The following CDK6 variants were observed in gnomAD, a reference collection of about 807,000 sequenced individuals.
The protein encoded by CDK6 is cyclin dependent kinase 6.
Under a neutral mutation model 37.1 loss-of-function variants are expected in CDK6, and 6 were observed. The ratio of observed to expected loss-of-function variants is 0.16; its 90% CI spans 0.09 to 0.32. The LOEUF (loss-of-function observed/expected upper bound fraction) is 0.32, where lower values mean the gene tolerates loss of function less well. CDK6 is among the 10% of genes least tolerant of loss of function. CDK6 has a pLI of 1.00. For synonymous variants in CDK6, 160 were observed against 161.3 expected (o/e 0.99, Z 0.06); for missense variants, 224 against 418.9 (o/e 0.53, Z 4.06).
At chr7:92,684,744 A>T (rs943207433) in intron 4 of CDK6, among the ~76,000 whole-genome samples, 1 of 152,214 alleles carries the variant, frequency 6.6e-6, no homozygotes, top group Non-Finnish European at 1.5e-5. Context: ...GTTTACAAAA[A>T]AACAAAATGC....
intron 2 of CDK6, among the ~76,000 whole-genome samples, chr7:92,822,006 G>A (rs1334485901): frequency 6.6e-6 from 1 of 151,940 alleles, no homozygotes; most frequent in African/African-American, 2.4e-5. Context: ...TACTTGTAAG[G>A]ACAGCTATGG....
At chr7:92,652,818 G>A (rs915919793) in intron 5 of CDK6, among the ~76,000 whole-genome samples, 2 of 152,128 alleles carry the variant, frequency 1.3e-5, no homozygotes, top group Admixed American at 6.5e-5. Context: ...TTCATAGTAT[G>A]GCATCCTGTT....
At chr7:92,669,674 C>G (rs1288535979) in intron 5 of CDK6, among the ~76,000 whole-genome samples, 1 of 152,236 alleles carries the variant, frequency 6.6e-6, no homozygotes, top group South Asian at 2.1e-4. Flanking sequence ...GTCTTCTACA[C>G]TTGTTGGATG....
At chr7:92,646,326 T>C (rs1299751687) in intron 5 of CDK6, among the ~76,000 whole-genome samples, 1 of 152,196 alleles carries the variant, frequency 6.6e-6, no homozygotes, top group East Asian at 1.9e-4. Context: ...GGCTCAGTCT[T>C]CAGGTTTTTG....
chr7:92,748,155 A>G (rs776143733), intron 3 of CDK6, among the ~76,000 whole-genome samples: 40 of 152,236 alleles, frequency 2.6e-4, no homozygotes, highest in Non-Finnish European at 4.7e-4. Context: ...ACTTTTACAG[A>G]TAACAGGTTA....
chr7:92,749,728 C>G (rs1799145206), intron 3 of CDK6, among the ~76,000 whole-genome samples: 1 of 152,174 alleles, frequency 6.6e-6, no homozygotes, highest in South Asian at 2.1e-4. Context: ...TTGTAGCCTT[C>G]TTTAGTCCTG....
chr7:92,691,807 T>G (rs1797605274), intron 4 of CDK6, among the ~76,000 whole-genome samples: 1 of 152,216 alleles, frequency 6.6e-6, no homozygotes, highest in Non-Finnish European at 1.5e-5. Context: ...AAAGAAAATT[T>G]GAGTACTGAG....
At chr7:92,636,745 A>C (rs1057273646) in intron 5 of CDK6, among the ~76,000 whole-genome samples, 20 of 152,098 alleles carry the variant, frequency 1.3e-4, no homozygotes, top group African/African-American at 4.6e-4. Context: ...GGCTCACTGC[A>C]ACTTCTGCCT....
At chr7:92,782,706 A>C (rs1319624596) in intron 2 of CDK6, among the ~76,000 whole-genome samples, 1 of 152,144 alleles carries the variant, frequency 6.6e-6, no homozygotes, top group Non-Finnish European at 1.5e-5. Context: ...ACCTGGGCCC[A>C]GTGTGTTTGA....
chr7:92,730,848 G>A (rs1798629620), intron 3 of CDK6, among the ~76,000 whole-genome samples: 1 of 152,174 alleles, frequency 6.6e-6, no homozygotes, highest in East Asian at 1.9e-4. Flanking sequence ...GAACACAGGT[G>A]TAGAATGATC....
chr7:92,674,550 G>A (rs1797162423), intron 4 of CDK6, among the ~76,000 whole-genome samples: 1 of 152,218 alleles, frequency 6.6e-6, no homozygotes, highest in Non-Finnish European at 1.5e-5. Flanking sequence ...GCTAAGAAGA[G>A]TGTCCAATAC....
chr7:92,787,377 C>A (rs1415458790), intron 2 of CDK6, among the ~76,000 whole-genome samples: 2 of 151,800 alleles, frequency 1.3e-5, no homozygotes, highest in East Asian at 3.9e-4. Flanking sequence ...TTTTCTCCTA[C>A]CACTCACGTA....
At chr7:92,669,291 T>C (rs1474115815) in intron 5 of CDK6, among the ~76,000 whole-genome samples, 2 of 152,256 alleles carry the variant, frequency 1.3e-5, no homozygotes, top group African/African-American at 4.8e-5. Context: ...ACTTATCACT[T>C]CAGTGGAAAA....
chr7:92,622,927 T>C (rs763807241), intron 6 of CDK6, 109 bp downstream of exon 6: 32 of 700,054 alleles, frequency 4.6e-5, no homozygotes, highest in Admixed American at 1.0e-4. Context: ...CAGCAGCTGC[T>C]TGAAGTAAGA....
chr7:92,678,609 A>C (rs1181083811), intron 4 of CDK6, among the ~76,000 whole-genome samples: 1 of 152,220 alleles, frequency 6.6e-6, no homozygotes, highest in African/African-American at 2.4e-5. Context: ...TTGATGTTAT[A>C]TTTAACAATC....
Position 92,611,667 on chromosome 7 carries a change from T to TG in CDK6, c.*3472dup, listed in dbSNP as rs1795565000. On this transcript the variant is annotated 3_prime_UTR_variant, in exon 8 of 8. Coordinates refer to ENST00000424848, the MANE Select transcript of CDK6 (RefSeq NM_001145306.2). Reference sequence around the variant, plus strand: ...CTATTTAAGAGTTTTCTCATCAAGATGGATAGTACATTCTGGAGAGTCAAA... The same window carrying TG: ...CTATTTAAGAGTTTTCTCATCAAGATGGGATAGTACATTCTGGAGAGTCAAA... 1 of 229,156 alleles carries TG rather than the reference T, an allele frequency of 4.4e-6. No individual in the cohort carries two copies. The highest frequency in any genetic ancestry group is 5.7e-5 in the Admixed American group (1 of 17,668). The allele number at this position is 229,156 out of a possible 1,614,324, so 14.2% of individuals were successfully genotyped here. A position where few individuals can be genotyped will look rare whatever the true frequency, so the allele number is the denominator to read the frequency against.
At chr7:92,646,239 G>C (rs1385691062) in intron 5 of CDK6, among the ~76,000 whole-genome samples, 1 of 152,116 alleles carries the variant, frequency 6.6e-6, no homozygotes, top group Admixed American at 6.6e-5. Flanking sequence ...TGCCTGGTCT[G>C]ATACTGTTTG....
intron 4 of CDK6, among the ~76,000 whole-genome samples, chr7:92,680,642 A>G (rs1454352155): frequency 6.6e-6 from 1 of 152,038 alleles, no homozygotes; most frequent in African/African-American, 2.4e-5. Context: ...GCTCTGATGC[A>G]TCCATTACCA....
chr7:92,702,634 T>C (rs1056990314), intron 4 of CDK6, among the ~76,000 whole-genome samples: 2 of 152,190 alleles, frequency 1.3e-5, no homozygotes, highest in Admixed American at 6.5e-5. Context: ...CCTTGAAGAA[T>C]TCTCCTCAGA....
Sources: gnomAD v4.1 joint callset for allele counts (sites outside exome capture counted in the v4.1 genomes callset) on GRCh38, gnomAD v4.1.1 for gene constraint, MANE v1.5 for transcripts, NCBI Gene and HGNC (gene_info 2026-07-23, HGNC 2026-07-21) for gene names.